The following TMEM117 variants were observed in gnomAD, a reference collection of about 807,000 sequenced individuals.
TMEM117 encodes the protein transmembrane protein 117.
TMEM117 carries 27 observed loss-of-function variants against 52.4 expected under a neutral mutation model. The ratio of observed to expected loss-of-function variants is 0.51; its 90% CI spans 0.38 to 0.71. The LOEUF (loss-of-function observed/expected upper bound fraction) is 0.71, where lower values mean the gene tolerates loss of function less well. TMEM117 is among the 30% of genes least tolerant of loss of function. TMEM117 has a pLI of 0.00. For synonymous variants in TMEM117, 215 were observed against 206.3 expected, an observed-to-expected ratio of 1.04 and a Z score of -0.36; for missense variants, 556 against 630.5, an observed-to-expected ratio of 0.88 and a Z score of 1.26.
intron 6 of TMEM117, among the ~76,000 whole-genome samples, chr12:44,355,348 C>T (rs1443821996): frequency 6.6e-6 from 1 of 151,976 alleles, no homozygotes; most frequent in Non-Finnish European, 1.5e-5. Context: ...TTGACACTTC[C>T]TTTCCATTGC....
chr12:43,955,942 G>T (rs995150191), intron 3 of TMEM117, among the ~76,000 whole-genome samples: 1 of 152,020 alleles, frequency 6.6e-6, no homozygotes, highest in African/African-American at 2.4e-5. Flanking sequence ...ACGAAAATAG[G>T]CACGTAGACC....
intron 6 of TMEM117, among the ~76,000 whole-genome samples, chr12:44,345,910 G>C (rs749108674): frequency 1.2e-4 from 18 of 151,994 alleles, no homozygotes; most frequent in Non-Finnish European, 2.2e-4. Context: ...CTCCACAAAG[G>C]CTGCTTATTT....
chr12:43,896,067 T>C (rs1944195922), intron 2 of TMEM117, among the ~76,000 whole-genome samples: 2 of 152,176 alleles, frequency 1.3e-5, no homozygotes, highest in African/African-American at 2.4e-5. Context: ...TCAGTCTCCT[T>C]TGGCAGCACC....
At chr12:44,239,626 A>G (rs1288820760) in intron 5 of TMEM117, among the ~76,000 whole-genome samples, 1 of 152,116 alleles carries the variant, frequency 6.6e-6, no homozygotes, top group Admixed American at 6.6e-5. Context: ...TTACCAGAAT[A>G]TTGTTTTCAG....
chr12:44,365,668 C>G (rs1343103948), intron 6 of TMEM117, among the ~76,000 whole-genome samples: 4 of 151,994 alleles, frequency 2.6e-5, no homozygotes. Context: ...ATGCCTGGCA[C>G]AGAGAAAATT....
At chr12:43,883,605 A>C (rs919046040) in intron 2 of TMEM117, among the ~76,000 whole-genome samples, 1 of 152,192 alleles carries the variant, frequency 6.6e-6, no homozygotes, top group Admixed American at 6.5e-5. Flanking sequence ...GGAATGAATC[A>C]GTTGGATTTC....
intron 3 of TMEM117, chr12:44,010,034 GT>G (rs1416151433): frequency 2.6e-6 from 1 of 380,928 alleles, no homozygotes; most frequent in Non-Finnish European, 5.3e-6. Context: ...TATTTATGTG[GT>G]GTACTTCTTA....
chr12:44,132,018 C>T (rs188887470), intron 3 of TMEM117, among the ~76,000 whole-genome samples: 7 of 152,140 alleles, frequency 4.6e-5, no homozygotes, highest in Admixed American at 4.6e-4. Flanking sequence ...TACCTGAAGT[C>T]TATCCATACA....
At chr12:44,012,468 G>A (rs1420107731) in intron 3 of TMEM117, among the ~76,000 whole-genome samples, 1 of 149,088 alleles carries the variant, frequency 6.7e-6, no homozygotes, top group Non-Finnish European at 1.5e-5. Flanking sequence ...GTTAACCCAC[G>A]GTTCTTATAT....
chr12:44,090,736 A>G (rs1947652374), intron 3 of TMEM117, among the ~76,000 whole-genome samples: 1 of 151,834 alleles, frequency 6.6e-6, no homozygotes, highest in Admixed American at 6.6e-5. Context: ...CAACACCCTC[A>G]GCCCAGAACA....
intron 3 of TMEM117, among the ~76,000 whole-genome samples, chr12:44,134,573 TA>T (rs1270443982): frequency 6.6e-6 from 1 of 152,214 alleles, no homozygotes. Context: ...CCCCATTTCC[TA>T]GAGCAGTGCC....
chr12:43,946,378 GTT>G (rs1244597058), intron 3 of TMEM117, among the ~76,000 whole-genome samples: 1,163 of 113,414 alleles, frequency 0.01, 14 homozygotes, highest in South Asian at 0.017. Flanking sequence ...ATATAATTCT[GTT>G]TTTTTTTTTT....
chr12:44,083,946 T>C (rs1248440591), intron 3 of TMEM117, among the ~76,000 whole-genome samples: 4 of 152,184 alleles, frequency 2.6e-5, no homozygotes, highest in Non-Finnish European at 4.4e-5. Context: ...AAATTCAGTT[T>C]CCTAAAAATA....
At chr12:43,930,629 G>T (rs1189517310) in intron 2 of TMEM117, among the ~76,000 whole-genome samples, 1 of 152,114 alleles carries the variant, frequency 6.6e-6, no homozygotes, top group Non-Finnish European at 1.5e-5. Context: ...CCTTCATTAT[G>T]ATAAATACAC....
intron 5 of TMEM117, among the ~76,000 whole-genome samples, chr12:44,257,712 T>G (rs941336821): frequency 6.6e-6 from 1 of 152,140 alleles, no homozygotes; most frequent in African/African-American, 2.4e-5. Context: ...TCTCTGGTGC[T>G]GCACCCTGAA....
intron 4 of TMEM117, among the ~76,000 whole-genome samples, chr12:44,170,834 T>G (rs1414801758): frequency 1.3e-5 from 2 of 152,152 alleles, no homozygotes; most frequent in African/African-American, 2.4e-5. Context: ...TTCAACAAGT[T>G]TCCCTTAATA....
intron 5 of TMEM117, among the ~76,000 whole-genome samples, chr12:44,285,900 A>AT (rs1555146512): frequency 6.6e-6 from 1 of 152,058 alleles, no homozygotes; most frequent in Admixed American, 6.6e-5. Flanking sequence ...TTGCCTGTTT[A>AT]TTTTTTTCTC....
chr12:44,181,646 T>C lies in TMEM117; in HGVS notation c.511-29644T>C, dbSNP rs543976118. Among the ~76,000 whole-genome samples the C allele has an allele frequency of 3.8e-3, 569 of 150,356 alleles. 6 individuals are homozygous for C. Among genetic ancestry groups the C allele is most frequent in the South Asian group, 0.023 (104 of 4,590 alleles). On this transcript the variant is annotated intron_variant, in intron 4 of 7. Transcript: ENST00000266534. The stretch of plus-strand genomic sequence containing the variant: ...CATTGCTTGTTTTTGTCAGGTTTGT[T>C]AAAGATCAGATAGTTGTAGATATGT...
intron 3 of TMEM117, among the ~76,000 whole-genome samples, chr12:44,140,904 C>T (rs1948561707): frequency 6.6e-6 from 1 of 152,088 alleles, no homozygotes; most frequent in Non-Finnish European, 1.5e-5. Flanking sequence ...TGTACAAGTT[C>T]AGAAAGGTTT....
Sources: gnomAD v4.1 joint callset for allele counts (sites outside exome capture counted in the v4.1 genomes callset) on GRCh38, gnomAD v4.1.1 for gene constraint, MANE v1.5 for transcripts, NCBI Gene and HGNC (gene_info 2026-07-23, HGNC 2026-07-21) for gene names.